Variants in ARHGEF3 observed in about 807,000 individuals in gnomAD.
ARHGEF3 encodes 59.8 kDA protein.
Under a neutral mutation model 63.2 loss-of-function variants are expected in ARHGEF3, and 28 were observed. The observed-to-expected ratio is 0.44, with a 90% CI of 0.33 to 0.61. ARHGEF3 has a LOEUF of 0.61. Among genes scored for constraint, ARHGEF3 ranks in the 20% least tolerant of loss-of-function variants. The pLI, the probability that ARHGEF3 is intolerant of heterozygous loss-of-function variation, is 0.03. For synonymous variants in ARHGEF3, 266 were observed against 254.2 expected, an observed-to-expected ratio of 1.05 and a Z score of -0.44; for missense variants, 533 against 659.3, an observed-to-expected ratio of 0.81 and a Z score of 2.10.
intron 3 of ARHGEF3, among the ~76,000 whole-genome samples, chr3:56,919,121 T>C (rs1476446309): frequency 3.3e-5 from 5 of 152,178 alleles, no homozygotes; most frequent in Non-Finnish European, 7.4e-5. Context: ...CAGTTCCAGC[T>C]TTTCGGGTTC....
rs748093219 is a variant in ARHGEF3 at position 56,801,690 on chromosome 3, G to GGC, written c.96+11_96+12dup. ...ATGACCCATAGAGGTCCAGGTGCAGGGCGCGGCCCTACCTCAGCGTCCTTG... is the reference window on the plus strand; with the variant it reads ...ATGACCCATAGAGGTCCAGGTGCAGGGCGCGCGGCCCTACCTCAGCGTCCTTG... On this transcript the variant is annotated intron_variant, in intron 1 of 9. Transcript: ENST00000296315. The GGC allele has an allele frequency of 6.4e-7, 1 of 1,553,884 alleles. No homozygotes were observed. Among genetic ancestry groups the GGC allele is most frequent in the South Asian group, 1.2e-5 (1 of 84,178 alleles).
At chr3:56,846,072 T>C (rs965886826) in intron 4 of ARHGEF3, among the ~76,000 whole-genome samples, 7 of 152,322 alleles carry the variant, frequency 4.6e-5, no homozygotes, top group African/African-American at 1.4e-4. Flanking sequence ...ACCCATGCTA[T>C]TGAAAATGAA....
At chr3:56,868,038 C>T (rs548644196) in intron 4 of ARHGEF3, among the ~76,000 whole-genome samples, 1 of 152,222 alleles carries the variant, frequency 6.6e-6, no homozygotes, top group South Asian at 2.1e-4. Context: ...AATACTTCTA[C>T]TAATAACAAT....
intron 2 of ARHGEF3, among the ~76,000 whole-genome samples, chr3:56,991,750 G>A (rs1701753630): frequency 6.6e-6 from 1 of 152,098 alleles, no homozygotes; most frequent in Admixed American, 6.5e-5. Context: ...GAGTAGCTGG[G>A]ATTACAGGGG....
intron 2 of ARHGEF3, among the ~76,000 whole-genome samples, chr3:57,021,804 CA>C (rs919651038): frequency 7.4e-5 from 11 of 148,904 alleles, no homozygotes; most frequent in Non-Finnish European, 1.6e-4. Context: ...AATTAGAAGA[CA>C]AAAAAAGTCA....
At chr3:56,977,297 G>T (rs780734650) in intron 2 of ARHGEF3, 2 of 456,502 alleles carry the variant, frequency 4.4e-6, no homozygotes, top group Non-Finnish European at 4.4e-6. Context: ...ATCAAACATG[G>T]TCCATCTAAA....
chr3:57,052,813 A>G (rs1404827526), intron 1 of ARHGEF3, among the ~76,000 whole-genome samples: 2 of 152,172 alleles, frequency 1.3e-5, no homozygotes, highest in Admixed American at 6.5e-5. Context: ...AAGGACACCC[A>G]GCAGGAGTAC....
chr3:57,047,278 T>G (rs1007385740), intron 1 of ARHGEF3, among the ~76,000 whole-genome samples: 2 of 151,944 alleles, frequency 1.3e-5, no homozygotes, highest in Non-Finnish European at 2.9e-5. Context: ...AACCGGGAGG[T>G]GGAGGCTGCA....
intron 2 of ARHGEF3, among the ~76,000 whole-genome samples, chr3:57,026,492 G>A (rs552109040): frequency 1.3e-5 from 2 of 152,260 alleles, no homozygotes; most frequent in Non-Finnish European, 2.9e-5. Context: ...AAAGTTGATT[G>A]CCCTCCAGAG....
intron 8 of ARHGEF3, among the ~76,000 whole-genome samples, chr3:56,732,742 T>C (rs2033265188): frequency 6.6e-6 from 1 of 151,960 alleles, no homozygotes; most frequent in African/African-American, 2.4e-5. Context: ...CAGACATACC[T>C]GCCCCAGCTC....
intron 4 of ARHGEF3, among the ~76,000 whole-genome samples, chr3:56,870,856 T>C (rs999561829): frequency 2.0e-5 from 3 of 152,124 alleles, no homozygotes; most frequent in Admixed American, 2.0e-4. Context: ...TTTCGGAGGA[T>C]GCCCTATTCT....
At chr3:57,055,042 C>T (rs1285641532) in intron 1 of ARHGEF3, among the ~76,000 whole-genome samples, 1 of 152,042 alleles carries the variant, frequency 6.6e-6, no homozygotes, top group Non-Finnish European at 1.5e-5. Flanking sequence ...CTTTGTTGAA[C>T]ATATGTATTT....
intron 4 of ARHGEF3, among the ~76,000 whole-genome samples, chr3:56,837,649 C>G (rs1194885069): frequency 6.6e-6 from 1 of 152,238 alleles, no homozygotes; most frequent in East Asian, 1.9e-4. Context: ...AAACCCTCCA[C>G]TCCAAGGCCA....
chr3:56,916,913 T>G (rs2042005879), intron 3 of ARHGEF3, among the ~76,000 whole-genome samples: 1 of 152,228 alleles, frequency 6.6e-6, no homozygotes. Flanking sequence ...CATCCGTTTC[T>G]TTTTGTCTTA....
intron 1 of ARHGEF3, among the ~76,000 whole-genome samples, chr3:56,801,126 T>G (rs558283764): frequency 7.2e-5 from 11 of 152,334 alleles, no homozygotes; most frequent in Non-Finnish European, 1.5e-4. Flanking sequence ...CACTCCAATT[T>G]ACTCATTTAG....
chr3:56,966,302 T>C (rs11711160), intron 2 of ARHGEF3, among the ~76,000 whole-genome samples: 21,472 of 152,268 alleles, frequency 0.14, 1,667 homozygotes, highest in East Asian at 0.25. Context: ...GAATTAGGTC[T>C]GTATATGTAG....
intron 2 of ARHGEF3, among the ~76,000 whole-genome samples, chr3:56,771,067 C>A (rs192631749): frequency 2.0e-4 from 30 of 151,210 alleles, no homozygotes; most frequent in Middle Eastern, 6.8e-3. Flanking sequence ...GAGCTGAGAT[C>A]GCGCCACTGC....
At chr3:56,800,608 G>GTGAGCCAAGTGCAT (rs1386503595) in intron 1 of ARHGEF3, among the ~76,000 whole-genome samples, 1 of 152,236 alleles carries the variant, frequency 6.6e-6, no homozygotes, top group Non-Finnish European at 1.5e-5. Context: ...ACATGATTCA[G>GTGAGCCAAGTGCAT]TGAGCCAAGT....
At chr3:57,057,664 G>A (rs1262793997) in intron 1 of ARHGEF3, among the ~76,000 whole-genome samples, 5 of 151,926 alleles carry the variant, frequency 3.3e-5, no homozygotes, top group African/African-American at 7.3e-5. Context: ...AAATACAAAC[G>A]GAGAAAGAAT....
Sources: gnomAD v4.1 joint callset for allele counts (sites outside exome capture counted in the v4.1 genomes callset) on GRCh38, gnomAD v4.1.1 for gene constraint, MANE v1.5 for transcripts, NCBI Gene and HGNC (gene_info 2026-07-23, HGNC 2026-07-21) for gene names.